SNX7: variants seen among roughly 807,000 people sequenced by gnomAD.
The protein encoded by SNX7 is sorting nexin 7.
Under a neutral mutation model 48.4 loss-of-function variants are expected in SNX7, and 35 were observed. The observed-to-expected ratio is 0.72, with a 90% CI of 0.55 to 0.96. The LOEUF is 0.96. Among genes scored for constraint, SNX7 ranks in the 40% least tolerant of loss-of-function variants. The pLI, the probability that SNX7 is intolerant of heterozygous loss-of-function variation, is 0.00. For missense variants in SNX7, 553 were observed against 548.9 expected, an observed-to-expected ratio of 1.01 and a Z score of -0.07; for synonymous variants, 190 against 190.2, an observed-to-expected ratio of 1.00 and a Z score of 0.01.
intron 8 of SNX7, among the ~76,000 whole-genome samples, chr1:98,747,685 G>A (rs1012037825): frequency 3.9e-5 from 6 of 152,046 alleles, no homozygotes; most frequent in Non-Finnish European, 5.9e-5. Flanking sequence ...GTTTATAGTC[G>A]ATTTAATATT....
intron 6 of SNX7, among the ~76,000 whole-genome samples, chr1:98,701,565 A>T (rs1376837625): frequency 6.6e-6 from 1 of 151,980 alleles, no homozygotes; most frequent in Non-Finnish European, 1.5e-5. Flanking sequence ...CAATGCTTAA[A>T]TGGGTAAAAT....
intron 1 of SNX7, among the ~76,000 whole-genome samples, chr1:98,669,204 C>G (rs1174543300): frequency 6.6e-6 from 1 of 152,176 alleles, no homozygotes; most frequent in Non-Finnish European, 1.5e-5. Context: ...TTCTAATCAT[C>G]CCTCTCATGC....
At chr1:98,663,707 C>T (rs544525641) in intron 1 of SNX7, among the ~76,000 whole-genome samples, 3 of 152,116 alleles carry the variant, frequency 2.0e-5, no homozygotes, top group Non-Finnish European at 4.4e-5. Flanking sequence ...ATTGAGATTT[C>T]TTTTCTCATT....
intron 2 of SNX7, among the ~76,000 whole-genome samples, chr1:98,690,181 C>G (rs1483857099): frequency 2.0e-5 from 3 of 152,142 alleles, no homozygotes; most frequent in East Asian, 3.9e-4. Flanking sequence ...TTTACTTCTG[C>G]AGGAAAATTT....
At chr1:98,731,448 C>T (rs1288613192) in intron 7 of SNX7, among the ~76,000 whole-genome samples, 1 of 151,998 alleles carries the variant, frequency 6.6e-6, no homozygotes, top group Non-Finnish European at 1.5e-5. Context: ...CTCATGTTGC[C>T]GTCTTTGTCT....
At position 98,674,967 on chromosome 1, in the gene SNX7, T is replaced by C. The variant is rs545699832; in HGVS notation, c.181-9918T>C. 6.2e-4 allele frequency among the ~76,000 whole-genome samples: 94 copies of C among 152,294 alleles called. 1 individual carries two copies. The highest frequency in any genetic ancestry group is 3.5e-3 in the Admixed American group (54 of 15,296). ...ACGTGATTTAAGAAGTAGAGATTTG[T>C]CACACAGATAATTTTTATTATGCTA... On this transcript the variant is annotated intron_variant, in intron 1 of 8. Transcript: ENST00000306121.
chr1:98,692,679 G>A (rs1651211400), intron 4 of SNX7, among the ~76,000 whole-genome samples: 1 of 152,072 alleles, frequency 6.6e-6, no homozygotes, highest in African/African-American at 2.4e-5. Context: ...CAACACTGGA[G>A]CTCACCACAA....
chr1:98,715,049 A>G (rs926706041), intron 7 of SNX7, among the ~76,000 whole-genome samples: 1 of 152,164 alleles, frequency 6.6e-6, no homozygotes. Flanking sequence ...ATATTTTCCT[A>G]TATAACTATA....
At chr1:98,740,772 G>GT (rs1478085256) in intron 8 of SNX7, among the ~76,000 whole-genome samples, 1 of 152,056 alleles carries the variant, frequency 6.6e-6, no homozygotes, top group African/African-American at 2.4e-5. Flanking sequence ...AGTGTGTGAT[G>GT]TTTTTAACTC....
At chr1:98,664,778 C>A (rs1334434406) in intron 1 of SNX7, among the ~76,000 whole-genome samples, 5 of 151,960 alleles carry the variant, frequency 3.3e-5, no homozygotes, top group Non-Finnish European at 7.4e-5. Context: ...GAAAATGATG[C>A]CAGACCTCAA....
At chr1:98,735,042 G>A (rs1490381007) in intron 7 of SNX7, among the ~76,000 whole-genome samples, 3 of 152,102 alleles carry the variant, frequency 2.0e-5, no homozygotes, top group Admixed American at 6.6e-5. Context: ...TCTGGTGTTG[G>A]AGGGAACAAT....
At chr1:98,747,445 G>A (rs1481375209) in intron 8 of SNX7, among the ~76,000 whole-genome samples, 10 of 152,122 alleles carry the variant, frequency 6.6e-5, no homozygotes, top group Admixed American at 6.6e-4. Context: ...GAATTCTATG[G>A]AACAATTCAA....
intron 1 of SNX7, among the ~76,000 whole-genome samples, chr1:98,667,522 G>A (rs1384132658): frequency 6.6e-6 from 1 of 151,782 alleles, no homozygotes; most frequent in Non-Finnish European, 1.5e-5. Flanking sequence ...GACTACAGGT[G>A]CACACTGCCA....
chr1:98,758,948 CACAT>C (rs1470243845), intron 8 of SNX7, among the ~76,000 whole-genome samples: 44 of 151,954 alleles, frequency 2.9e-4, no homozygotes, highest in Admixed American at 2.9e-3. Context: ...CACACACACA[CACAT>C]AAGTATATAC....
At chr1:98,707,569 G>T (rs781387723) in intron 7 of SNX7, among the ~76,000 whole-genome samples, 1 of 152,106 alleles carries the variant, frequency 6.6e-6, no homozygotes, top group Non-Finnish European at 1.5e-5. Flanking sequence ...AATAAATAAG[G>T]TTCATCTGTG....
chr1:98,751,369 A>C (rs1045452261), intron 8 of SNX7, among the ~76,000 whole-genome samples: 5 of 152,042 alleles, frequency 3.3e-5, no homozygotes, highest in Admixed American at 6.6e-5. Context: ...TGGAATTAAA[A>C]CTTAATTTTC....
At chr1:98,750,640 A>C (rs904474648) in intron 8 of SNX7, among the ~76,000 whole-genome samples, 1 of 152,026 alleles carries the variant, frequency 6.6e-6, no homozygotes, top group African/African-American at 2.4e-5. Context: ...TTGAGCCCAA[A>C]ATTGCCACCA....
rs575026468 is a variant in SNX7, at chr1:98,704,682, A to G, written c.1125+2779A>G. 2.6e-5 allele frequency among the ~76,000 whole-genome samples: 4 copies of G among 152,256 alleles called. No homozygotes were observed. In the South Asian group the frequency reaches 8.3e-4, roughly 32 times the overall value. ...CATGGCGACCCTGGCAGAGAACTGA[A>G]TATAGCTGTCTGCCTGGTTGTTTAC... On this transcript the variant is annotated intron_variant, in intron 7 of 8. Coordinates refer to ENST00000306121, the MANE Select transcript of SNX7 (RefSeq NM_015976.5).
chr1:98,711,271 A>G (rs938714186), intron 7 of SNX7, among the ~76,000 whole-genome samples: 2 of 152,004 alleles, frequency 1.3e-5, no homozygotes, highest in African/African-American at 4.8e-5. Flanking sequence ...GCCTGCCTTG[A>G]CCTCCCAAAG....
Sources: allele counts gnomAD v4.1 joint callset (sites outside exome capture counted in the v4.1 genomes callset), GRCh38; gene constraint gnomAD v4.1.1; transcripts MANE v1.5; gene names NCBI Gene and HGNC (gene_info 2026-07-23, HGNC 2026-07-21).